SEMA5A: variants seen among roughly 807,000 people sequenced by gnomAD.
The protein encoded by SEMA5A is semaphorin-5A.
SEMA5A carries 55 observed loss-of-function variants against 135.5 expected under a neutral mutation model. That is an observed-to-expected ratio of 0.41 (90% CI 0.33 to 0.51). SEMA5A has a LOEUF of 0.51. Ranked by LOEUF, SEMA5A falls within the 20% of genes least tolerant of loss-of-function variation. The pLI is 0.37. For synonymous variants in SEMA5A, 580 were observed against 546.5 expected, an observed-to-expected ratio of 1.06 and a Z score of -0.85; for missense variants, 1,290 against 1,419.9, an observed-to-expected ratio of 0.91 and a Z score of 1.47.
chr5:9,155,131 A>G (rs1481240364), intron 11 of SEMA5A, among the ~76,000 whole-genome samples: 1 of 152,110 alleles, frequency 6.6e-6, no homozygotes, highest in Admixed American at 6.5e-5. Context: ...GCAGCTTCAA[A>G]TATCCAGTAC....
chr5:9,148,668 G>A (rs150175937), intron 12 of SEMA5A, among the ~76,000 whole-genome samples: 1 of 152,250 alleles, frequency 6.6e-6, no homozygotes, highest in East Asian at 1.9e-4. Context: ...ACGGGCTCCT[G>A]AGAGTACAGT....
chr5:9,198,494 T>C (rs1303896190), intron 9 of SEMA5A, among the ~76,000 whole-genome samples: 2 of 152,078 alleles, frequency 1.3e-5, no homozygotes, highest in Non-Finnish European at 2.9e-5. Flanking sequence ...GCAATATCTG[T>C]GGGTGAAGTA....
chr5:9,160,777 G>C (rs570291234), intron 11 of SEMA5A, among the ~76,000 whole-genome samples: 97 of 152,286 alleles, frequency 6.4e-4, no homozygotes, highest in African/African-American at 2.2e-3. Flanking sequence ...TCTACAATCT[G>C]AGTCATTAGG....
intron 3 of SEMA5A, among the ~76,000 whole-genome samples, chr5:9,373,661 A>G (rs1755236517): frequency 6.6e-6 from 1 of 152,184 alleles, no homozygotes; most frequent in South Asian, 2.1e-4. Context: ...GGAAATCAAT[A>G]GGGCCCTGCC....
At chr5:9,393,599 C>A (rs1042797189) in intron 2 of SEMA5A, among the ~76,000 whole-genome samples, 1 of 152,154 alleles carries the variant, frequency 6.6e-6, no homozygotes, top group Non-Finnish European at 1.5e-5. Context: ...GAACTTAGAC[C>A]ACTTACTGGC....
intron 8 of SEMA5A, among the ~76,000 whole-genome samples, chr5:9,215,360 A>C (rs1746559302): frequency 6.6e-6 from 1 of 151,868 alleles, no homozygotes; most frequent in Non-Finnish European, 1.5e-5. Context: ...TCCCCCAACC[A>C]AAAAAATATG....
intron 2 of SEMA5A, among the ~76,000 whole-genome samples, chr5:9,382,900 G>C: frequency 6.6e-6 from 1 of 152,204 alleles, no homozygotes; most frequent in East Asian, 1.9e-4. Context: ...CATTCCCATT[G>C]ACCAAAACAT....
intron 1 of SEMA5A, among the ~76,000 whole-genome samples, chr5:9,513,450 A>G (rs1736330353): frequency 6.6e-6 from 1 of 152,230 alleles, no homozygotes; most frequent in Non-Finnish European, 1.5e-5. Flanking sequence ...CAGCTTATAC[A>G]GTGGTTCTCC....
At chr5:9,069,727 A>G (rs142658335) in intron 16 of SEMA5A, among the ~76,000 whole-genome samples, 2 of 152,268 alleles carry the variant, frequency 1.3e-5, no homozygotes, top group African/African-American at 4.8e-5. Context: ...CATGATCTCT[A>G]CATCAACAAA....
At chr5:9,079,146 T>G (rs1354816119) in intron 16 of SEMA5A, among the ~76,000 whole-genome samples, 1 of 152,084 alleles carries the variant, frequency 6.6e-6, no homozygotes, top group Admixed American at 6.6e-5. Flanking sequence ...CCATTTAAAA[T>G]TTTTTGCTTT....
chr5:9,197,482 A>G (rs1433776511), intron 9 of SEMA5A, among the ~76,000 whole-genome samples, 179 bp from the exon 10 acceptor site: 4 of 152,228 alleles, frequency 2.6e-5, no homozygotes, highest in African/African-American at 9.6e-5. Flanking sequence ...GTGGAGGAAC[A>G]AACATCTTGG....
rs1459042639 is a variant in SEMA5A at position 9,406,494 on chromosome 5, T to A, written c.-77-26471A>T. 3.3e-5 allele frequency among the ~76,000 whole-genome samples: 5 copies of A among 152,348 alleles called. No homozygotes were observed. In the East Asian group the frequency reaches 9.6e-4, roughly 29 times the overall value. On this transcript the variant is annotated intron_variant, in intron 2 of 22. Coordinates refer to ENST00000382496, the MANE Select transcript of SEMA5A (RefSeq NM_003966.3). ...GAAAAAACCAGCAACACTGATTTTA[T>A]CTTTAATAAAAGGAGTTATAAATAT...
chr5:9,221,462 C>A (rs1232926828), intron 8 of SEMA5A, among the ~76,000 whole-genome samples: 1 of 151,706 alleles, frequency 6.6e-6, no homozygotes, highest in Non-Finnish European at 1.5e-5. Context: ...ACCACCACGC[C>A]CGGCTAATTT....
chr5:9,171,065 G>C lies in SEMA5A; in HGVS notation c.1274-16370C>G, dbSNP rs142195295. Among the ~76,000 whole-genome samples, 30 of 152,268 alleles carry C rather than the reference G, an allele frequency of 2.0e-4. No homozygotes were observed. The East Asian group carries it at 5.6e-3, about 28-fold the overall frequency. On this transcript the variant is annotated intron_variant, in intron 11 of 22. Transcript: ENST00000382496. ...AGAAACAGAAAAAGTGAAAGAAAAG[G>C]GGTGAGAGTGAAAAACTAGAATGAT...
intron 11 of SEMA5A, among the ~76,000 whole-genome samples, chr5:9,165,573 C>T (rs1743559904): frequency 6.6e-6 from 1 of 152,184 alleles, no homozygotes; most frequent in Admixed American, 6.5e-5. Flanking sequence ...AGGCCACTAA[C>T]CTGGGAAGCT....
At chr5:9,138,260 C>T (rs973330154) in intron 12 of SEMA5A, among the ~76,000 whole-genome samples, 1 of 152,066 alleles carries the variant, frequency 6.6e-6, no homozygotes, top group Non-Finnish European at 1.5e-5. Context: ...AGCCTATTTC[C>T]CTAGTAGTAG....
intron 1 of SEMA5A, among the ~76,000 whole-genome samples, chr5:9,456,914 C>T (rs1448553829): frequency 6.6e-6 from 1 of 152,172 alleles, no homozygotes; most frequent in Admixed American, 6.5e-5. Context: ...GCCCTGCTCG[C>T]ACTTTTCTAC....
In SEMA5A at chr5:9,310,465, GA is replaced by G. The variant is rs1257096448; in HGVS notation, c.270+7906del. On this transcript the variant is annotated intron_variant, in intron 5 of 22. Transcript: ENST00000382496. ...GACAAAGATAGGCAAAAAAATAAATGAGCTCAGAATCATGATTTTTGAGAGC... is the reference window on the plus strand; with the variant it reads ...GACAAAGATAGGCAAAAAAATAAATGGCTCAGAATCATGATTTTTGAGAGC... Among the ~76,000 whole-genome samples the G allele has an allele frequency of 3.3e-5, 5 of 152,120 alleles. No individual in the cohort carries two copies. The South Asian group carries it at 1.0e-3, about 32-fold the overall frequency.
intron 8 of SEMA5A, among the ~76,000 whole-genome samples, chr5:9,224,462 G>C (rs766322133): frequency 4.6e-5 from 7 of 151,830 alleles, no homozygotes; most frequent in Non-Finnish European, 7.4e-5. Flanking sequence ...ATATTATCAT[G>C]GTTAGAGTGT....
Sources: gnomAD v4.1 joint callset for allele counts (sites outside exome capture counted in the v4.1 genomes callset) on GRCh38, gnomAD v4.1.1 for gene constraint, MANE v1.5 for transcripts, NCBI Gene and HGNC (gene_info 2026-07-23, HGNC 2026-07-21) for gene names.